The following MARCHF1 variants were observed in gnomAD, a reference collection of about 807,000 sequenced individuals.
MARCHF1 encodes the protein membrane associated ring-CH-type finger 1, also known as E3 ubiquitin-protein ligase MARCHF1.
A neutral mutation model predicts 54.2 loss-of-function variants in MARCHF1; 40 were observed. The ratio of observed to expected loss-of-function variants is 0.74; its 90% CI spans 0.57 to 0.96. The LOEUF (loss-of-function observed/expected upper bound fraction) is 0.96. MARCHF1 is among the 40% of genes least tolerant of loss of function. The probability of loss-of-function intolerance (pLI) is 0.00; values close to 1 mark genes in which losing one functional copy is unlikely to be tolerated. For synonymous variants in MARCHF1, 236 were observed against 236.3 expected (o/e 1.00, Z 0.01); for missense variants, 586 against 656.5 (o/e 0.89, Z 1.17).
chr4:163,599,325 T>C (rs1286818590), intron 7 of MARCHF1, among the ~76,000 whole-genome samples: 1 of 143,454 alleles, frequency 7.0e-6, no homozygotes, highest in African/African-American at 2.8e-5. Flanking sequence ...TTTATTTTAC[T>C]TTTTAAACAT....
intron 2 of MARCHF1, among the ~76,000 whole-genome samples, chr4:164,075,441 T>C (rs1352813199): frequency 1.3e-5 from 2 of 152,208 alleles, no homozygotes; most frequent in Non-Finnish European, 2.9e-5. Context: ...AGAGAGGGAT[T>C]CATCCAGGCT....
At chr4:163,924,465 C>G (rs1483127478) in intron 3 of MARCHF1, among the ~76,000 whole-genome samples, 1 of 151,948 alleles carries the variant, frequency 6.6e-6, no homozygotes, top group Admixed American at 6.6e-5. Context: ...GAACAAGGAA[C>G]AGTGAAAAAG....
At chr4:164,032,992 A>G (rs961582963) in intron 2 of MARCHF1, among the ~76,000 whole-genome samples, 1 of 152,144 alleles carries the variant, frequency 6.6e-6, no homozygotes, top group Non-Finnish European at 1.5e-5. Context: ...GACCTCAGAA[A>G]TAACACCACA....
chr4:163,970,082 A>G (rs969817114), intron 3 of MARCHF1, among the ~76,000 whole-genome samples: 26 of 152,206 alleles, frequency 1.7e-4, no homozygotes, highest in African/African-American at 5.8e-4. Context: ...ACAACCTCCA[A>G]TACAAGACAC....
At chr4:163,618,035 C>T (rs1343459533) in intron 5 of MARCHF1, among the ~76,000 whole-genome samples, 2 of 152,260 alleles carry the variant, frequency 1.3e-5, no homozygotes, top group East Asian at 3.9e-4. Flanking sequence ...GTTTTTCTGT[C>T]CACCATCACA....
At chr4:163,961,685 C>T (rs187413535) in intron 3 of MARCHF1, among the ~76,000 whole-genome samples, 131 of 151,940 alleles carry the variant, frequency 8.6e-4, no homozygotes, top group African/African-American at 2.9e-3. Flanking sequence ...TTAGTAAATG[C>T]CTTTGATATT....
intron 5 of MARCHF1, among the ~76,000 whole-genome samples, chr4:163,620,554 A>T (rs1235043049): frequency 6.6e-6 from 1 of 151,274 alleles, no homozygotes; most frequent in Non-Finnish European, 1.5e-5. Context: ...AGCCATAAAA[A>T]GAATGAGGTA....
intron 4 of MARCHF1, among the ~76,000 whole-genome samples, chr4:163,830,696 T>A (rs545026617): frequency 5.3e-5 from 8 of 152,074 alleles, no homozygotes; most frequent in African/African-American, 1.9e-4. Flanking sequence ...GGAGCATCAC[T>A]TGAGCCAGCG....
At position 163,668,945 on chromosome 4, in the gene MARCHF1, T is replaced by C. The variant is rs186299076; in HGVS notation, c.162+31868A>G. On this transcript the variant is annotated intron_variant, in intron 5 of 9. Transcript: ENST00000514618. ...TTCACAGTGGCTTTCTGGTGAGTCC[T>C]TGAGATCCATCCATTTCAGTTCTGC... is the stretch of plus-strand genomic sequence containing the variant. Among the ~76,000 whole-genome samples, 151 of 152,226 alleles carry C rather than the reference T, an allele frequency of 9.9e-4. No homozygotes were observed. In the Middle Eastern group the frequency reaches 0.02, roughly 21 times the overall value.
intron 4 of MARCHF1, among the ~76,000 whole-genome samples, chr4:163,726,711 G>T (rs531088724): frequency 2.0e-5 from 3 of 152,144 alleles, no homozygotes; most frequent in Non-Finnish European, 2.9e-5. Flanking sequence ...GTTCCATTTT[G>T]CATTCCCAGT....
At chr4:163,993,430 T>G (rs1376486672) in intron 2 of MARCHF1, among the ~76,000 whole-genome samples, 1 of 152,124 alleles carries the variant, frequency 6.6e-6, no homozygotes, top group Non-Finnish European at 1.5e-5. Flanking sequence ...CAGCCTTCAA[T>G]ACCAAATACA....
At chr4:164,166,905 A>C (rs1730395151) in intron 1 of MARCHF1, among the ~76,000 whole-genome samples, 1 of 81,638 alleles carries the variant, frequency 1.2e-5, no homozygotes, top group Admixed American at 1.0e-4. Context: ...AAAATAAAAA[A>C]ACAATGAATA....
chr4:164,346,290 T>A (rs1291019742), intron 1 of MARCHF1, among the ~76,000 whole-genome samples: 1 of 152,114 alleles, frequency 6.6e-6, no homozygotes, highest in Non-Finnish European at 1.5e-5. Flanking sequence ...AACTAGAATT[T>A]TACGTTCTAT....
At chr4:163,887,157 A>C (rs1750555649) in intron 3 of MARCHF1, among the ~76,000 whole-genome samples, 1 of 152,164 alleles carries the variant, frequency 6.6e-6, no homozygotes, top group Non-Finnish European at 1.5e-5. Context: ...CATATAAATA[A>C]AAATATTACA....
At chr4:163,574,288 T>A (rs1739958968) in intron 8 of MARCHF1, among the ~76,000 whole-genome samples, 1 of 152,172 alleles carries the variant, frequency 6.6e-6, no homozygotes, top group Non-Finnish European at 1.5e-5. Context: ...GATGGTAGTT[T>A]CTTTTGCTGT....
intron 4 of MARCHF1, among the ~76,000 whole-genome samples, chr4:163,743,504 C>T (rs1561053289): frequency 6.6e-6 from 1 of 152,100 alleles, no homozygotes; most frequent in Non-Finnish European, 1.5e-5. Flanking sequence ...ACACTAATTA[C>T]CCACACCTAA....
intron 1 of MARCHF1, among the ~76,000 whole-genome samples, chr4:164,124,283 G>A (rs1412282548): frequency 6.6e-6 from 1 of 152,058 alleles, no homozygotes; most frequent in Non-Finnish European, 1.5e-5. Flanking sequence ...AATAACAAAT[G>A]CTGGTGAGGA....
At chr4:164,151,839 T>C (rs1729950700) in intron 1 of MARCHF1, among the ~76,000 whole-genome samples, 2 of 152,180 alleles carry the variant, frequency 1.3e-5, no homozygotes, top group Admixed American at 1.3e-4. Context: ...CTAACCACCT[T>C]AAGCTTCTAC....
At chr4:164,302,713 A>T (rs562017095) in intron 1 of MARCHF1, among the ~76,000 whole-genome samples, 1 of 152,116 alleles carries the variant, frequency 6.6e-6, no homozygotes, top group South Asian at 2.1e-4. Context: ...CCCCATCTCT[A>T]CAAAAATTAG....
Sources: gnomAD v4.1 joint callset for allele counts (sites outside exome capture counted in the v4.1 genomes callset) on GRCh38, gnomAD v4.1.1 for gene constraint, MANE v1.5 for transcripts, NCBI Gene and HGNC (gene_info 2026-07-23, HGNC 2026-07-21) for gene names.